MTHFD2L: variants seen among roughly 807,000 people sequenced by gnomAD.
MTHFD2L encodes the protein bifunctional methylenetetrahydrofolate dehydrogenase/cyclohydrolase 2, mitochondrial.
Under a neutral mutation model 34.9 loss-of-function variants are expected in MTHFD2L, and 29 were observed. The observed-to-expected ratio is 0.83, with a 90% CI of 0.62 to 1.13. The LOEUF is 1.13. MTHFD2L is among the 50% of genes most tolerant of loss of function. The pLI is 0.00. For missense variants in MTHFD2L, 481 were observed against 446.5 expected, an observed-to-expected ratio of 1.08 and a Z score of -0.70; for synonymous variants, 167 against 155.7, an observed-to-expected ratio of 1.07 and a Z score of -0.54.
intron 3 of MTHFD2L, among the ~76,000 whole-genome samples, chr4:74,176,766 C>G (rs886697687): frequency 6.6e-6 from 1 of 151,896 alleles, no homozygotes; most frequent in Non-Finnish European, 1.5e-5. Context: ...CATATTTAAA[C>G]TGCGCAAAAT....
chr4:74,159,433 C>T (rs1724924882), intron 1 of MTHFD2L, among the ~76,000 whole-genome samples: 3 of 152,188 alleles, frequency 2.0e-5, no homozygotes, highest in Admixed American at 2.0e-4. Context: ...TATTTGCCGT[C>T]ACTCTAAATT....
chr4:74,184,491 A>G (rs369096472), intron 3 of MTHFD2L, among the ~76,000 whole-genome samples: 3 of 152,332 alleles, frequency 2.0e-5, no homozygotes, highest in East Asian at 3.9e-4. Flanking sequence ...AATATCTTAT[A>G]TACCTAATAA....
intron 3 of MTHFD2L, among the ~76,000 whole-genome samples, chr4:74,186,994 A>G (rs1176200741): frequency 6.6e-6 from 1 of 152,218 alleles, no homozygotes; most frequent in Non-Finnish European, 1.5e-5. Flanking sequence ...AAGTCCAGAA[A>G]GAGATTCACA....
intron 1 of MTHFD2L, among the ~76,000 whole-genome samples, chr4:74,136,380 A>G (rs1435325141): frequency 6.6e-6 from 1 of 152,114 alleles, no homozygotes; most frequent in Non-Finnish European, 1.5e-5. Context: ...ATTTAAAACT[A>G]CAAAGAATAT....
intron 6 of MTHFD2L, among the ~76,000 whole-genome samples, chr4:74,225,938 G>A (rs1257208808): frequency 6.6e-6 from 1 of 151,942 alleles, no homozygotes; most frequent in Non-Finnish European, 1.5e-5. Context: ...TATGAAATTT[G>A]GTCTGATGAA....
intron 6 of MTHFD2L, among the ~76,000 whole-genome samples, 195 bp from the exon 7 acceptor site, chr4:74,281,228 CAG>C (rs1354563065): frequency 2.0e-5 from 3 of 152,216 alleles, no homozygotes; most frequent in Non-Finnish European, 1.5e-5. Context: ...ATTTCATCCT[CAG>C]AAGTCCTGAT....
At chr4:74,134,725 C>A (rs929796926) in intron 1 of MTHFD2L, among the ~76,000 whole-genome samples, 1 of 152,006 alleles carries the variant, frequency 6.6e-6, no homozygotes, top group African/African-American at 2.4e-5. Flanking sequence ...TAAGATAACA[C>A]AGAAAAGCAA....
intron 7 of MTHFD2L, among the ~76,000 whole-genome samples, chr4:74,284,268 A>G (rs1560560457): frequency 1.3e-5 from 2 of 152,256 alleles, no homozygotes; most frequent in Admixed American, 1.3e-4. Flanking sequence ...CTGCAGTGAT[A>G]TTTCATGCCA....
At chr4:74,150,380 A>T (rs1398346236) in intron 1 of MTHFD2L, among the ~76,000 whole-genome samples, 2 of 152,128 alleles carry the variant, frequency 1.3e-5, no homozygotes, top group Non-Finnish European at 2.9e-5. Context: ...TAGCCTCCTG[A>T]GTAGCTGGGA....
chr4:74,219,842 G>A (rs915243603), intron 5 of MTHFD2L, among the ~76,000 whole-genome samples: 7 of 152,026 alleles, frequency 4.6e-5, no homozygotes, highest in South Asian at 2.1e-4. Context: ...TAGTTTCTAC[G>A]GACATCAACA....
At chr4:74,197,021 A>G (rs1733607872) in intron 3 of MTHFD2L, among the ~76,000 whole-genome samples, 2 of 151,790 alleles carry the variant, frequency 1.3e-5, no homozygotes, top group African/African-American at 4.8e-5. Flanking sequence ...TAAAGGCATT[A>G]TCTGAGCTGT....
At chr4:74,138,055 TTA>T (rs375143419) in intron 1 of MTHFD2L, among the ~76,000 whole-genome samples, 47 of 149,582 alleles carry the variant, frequency 3.1e-4, no homozygotes, top group East Asian at 9.7e-4. Context: ...TACATAAATT[TTA>T]TATATATATA....
intron 7 of MTHFD2L, among the ~76,000 whole-genome samples, chr4:74,297,075 T>C (rs1749721577): frequency 1.3e-5 from 2 of 152,070 alleles, no homozygotes; most frequent in Admixed American, 6.6e-5. Flanking sequence ...TTAATTATGC[T>C]GGCAAAGCTA....
At chr4:74,225,426 T>A (rs756191634) in intron 6 of MTHFD2L, 32 bp downstream of exon 6, 2 of 1,553,878 alleles carry the variant, frequency 1.3e-6, no homozygotes, top group Admixed American at 3.4e-5. Context: ...TTTTTTGGAA[T>A]GTCATCAGCA....
At chr4:74,161,427 ACCTT>A (rs1204668217) in intron 1 of MTHFD2L, 1 of 152,174 alleles carries the variant, frequency 6.6e-6, no homozygotes, top group Admixed American at 6.5e-5. Context: ...TAGTGTTCCT[ACCTT>A]CCTGCTGTAT....
In MTHFD2L at chr4:74,221,382, A is replaced by G. The variant is rs188740830; in HGVS notation, c.713-3920A>G. ...AGAAAGTTATTCAAAAATAAATTAA[A>G]CAAATACAATATATTTTGTTTCTAT... On this transcript the variant is annotated intron_variant, in intron 5 of 7. Coordinates refer to ENST00000325278, the MANE Select transcript of MTHFD2L (RefSeq NM_001144978.3). Among the ~76,000 whole-genome samples, 54 of 151,946 alleles carry G rather than the reference A, an allele frequency of 3.6e-4. No homozygotes were observed. The East Asian group carries it at 8.9e-3, about 25-fold the overall frequency.
chr4:74,253,106 A>G (rs1340935617), intron 6 of MTHFD2L, among the ~76,000 whole-genome samples: 2 of 152,188 alleles, frequency 1.3e-5, no homozygotes, highest in Non-Finnish European at 2.9e-5. Context: ...TTTTACACCC[A>G]GCTAAACTGT....
At chr4:74,180,197 A>G (rs1019399270) in intron 3 of MTHFD2L, among the ~76,000 whole-genome samples, 2 of 152,122 alleles carry the variant, frequency 1.3e-5, no homozygotes, top group Non-Finnish European at 2.9e-5. Context: ...CTATTCTCTG[A>G]TATGTCCAGC....
chr4:74,293,288 T>A (rs1749214347), intron 7 of MTHFD2L, among the ~76,000 whole-genome samples: 1 of 152,160 alleles, frequency 6.6e-6, no homozygotes, highest in South Asian at 2.1e-4. Flanking sequence ...AGTGAGAGCA[T>A]GCAGTGTTTG....
Sources: allele counts gnomAD v4.1 joint callset (sites outside exome capture counted in the v4.1 genomes callset), GRCh38; gene constraint gnomAD v4.1.1; transcripts MANE v1.5; gene names NCBI Gene and HGNC (gene_info 2026-07-23, HGNC 2026-07-21).